Variants in GABRB3 observed in about 807,000 individuals in gnomAD.
The protein encoded by GABRB3 is gamma-aminobutyric acid receptor subunit beta-3.
GABRB3 carries 14 observed loss-of-function variants against 52.1 expected under a neutral mutation model. The observed-to-expected ratio is 0.27, with a 90% CI of 0.18 to 0.42. GABRB3 has a LOEUF of 0.42. GABRB3 is among the 10% of genes least tolerant of loss of function. GABRB3 has a pLI of 1.00. For missense variants in GABRB3, 307 were observed against 609.1 expected (o/e 0.50, Z 5.22); for synonymous variants, 260 against 232.3 (o/e 1.12, Z -1.08).
chr15:26,735,132 G>A (rs2140154558), intron 3 of GABRB3, among the ~76,000 whole-genome samples: 1 of 152,296 alleles, frequency 6.6e-6, no homozygotes, highest in Non-Finnish European at 1.5e-5. Context: ...ATAAGCACAT[G>A]AAAAGATGCT....
intron 3 of GABRB3, among the ~76,000 whole-genome samples, chr15:26,677,835 AG>A (rs1255529814): frequency 2.0e-5 from 3 of 152,334 alleles, no homozygotes; most frequent in African/African-American, 7.2e-5. Flanking sequence ...TTTGTAAATC[AG>A]GGAACTAAAA....
At chr15:26,669,812 C>T (rs1212385519) in intron 3 of GABRB3, among the ~76,000 whole-genome samples, 1 of 152,206 alleles carries the variant, frequency 6.6e-6, no homozygotes, top group Non-Finnish European at 1.5e-5. Context: ...CCTGTAAGAG[C>T]TCTGAGTTGT....
At chr15:26,757,964 T>A (rs770624104) in intron 3 of GABRB3, among the ~76,000 whole-genome samples, 1 of 152,218 alleles carries the variant, frequency 6.6e-6, no homozygotes, top group African/African-American at 2.4e-5. Flanking sequence ...CCCTCTTCTC[T>A]ACCATCTCAA....
chr15:26,745,600 G>A lies in GABRB3; in HGVS notation c.240+26802C>T, dbSNP rs141499332. On this transcript the variant is annotated intron_variant, in intron 3 of 8. Transcript: ENST00000311550. ...TTTTTTTCTCACATCACAAGGCTCC[G>A]GGTGTCACCTTCTTTACCCACACCC... is the stretch of plus-strand genomic sequence containing the variant. Among the ~76,000 whole-genome samples, 708 of 152,178 alleles carry A rather than the reference G, an allele frequency of 4.7e-3. 3 individuals are homozygous for A. The highest frequency in any genetic ancestry group is 0.016 in the African/African-American group (657 of 41,536).
At chr15:26,624,590 G>A (rs754782328) in intron 3 of GABRB3, 8 of 985,398 alleles carry the variant, frequency 8.1e-6, no homozygotes, top group Non-Finnish European at 9.6e-6. Context: ...TTTGGGTCTT[G>A]GGTGTCTGCT....
At chr15:26,745,172 C>T (rs1890305481) in intron 3 of GABRB3, among the ~76,000 whole-genome samples, 1 of 152,168 alleles carries the variant, frequency 6.6e-6, no homozygotes, top group Non-Finnish European at 1.5e-5. Context: ...TGAGGGAATT[C>T]GTCCCCATGA....
Position 26,694,696 on chromosome 15 carries a change from G to A in GABRB3, c.241-73162C>T, listed in dbSNP as rs536799680. ...CTCTAAAAAGCAAAAAACACAGTCTGGAGACAGAGTCAGCATCAGAGTCAG... is the reference window on the plus strand; with the variant it reads ...CTCTAAAAAGCAAAAAACACAGTCTAGAGACAGAGTCAGCATCAGAGTCAG... On this transcript the variant is annotated intron_variant, in intron 3 of 8. Coordinates refer to ENST00000311550, the MANE Select transcript of GABRB3 (RefSeq NM_000814.6). Among the ~76,000 whole-genome samples, 4 of 152,280 alleles carry A rather than the reference G, an allele frequency of 2.6e-5. No homozygotes were observed. In the South Asian group the frequency reaches 6.2e-4, roughly 24 times the overall value.
rs1891125487 is a variant in GABRB3, at chr15:26,770,864, T to C, written c.240+1538A>G. ...ATAAAACAAACATTTTGAGTAAAAT[T>C]ATTTTTATAGTATTACATAAAAAGT... On this transcript the variant is annotated intron_variant, in intron 3 of 8. Transcript: ENST00000311550. Among the ~76,000 whole-genome samples, 2 of 152,360 alleles carry C rather than the reference T, an allele frequency of 1.3e-5. 1 individual carries two copies. Among genetic ancestry groups the C allele is most frequent in the East Asian group, 3.9e-4 (2 of 5,186 alleles).
chr15:26,620,047 A>G (rs1892419965), intron 4 of GABRB3, among the ~76,000 whole-genome samples: 1 of 152,134 alleles, frequency 6.6e-6, no homozygotes, highest in Non-Finnish European at 1.5e-5. Context: ...TCCTCATTCT[A>G]CATTCCCAGG....
intron 3 of GABRB3, among the ~76,000 whole-genome samples, chr15:26,766,741 C>T (rs1891007346): frequency 6.6e-6 from 1 of 151,542 alleles, no homozygotes; most frequent in African/African-American, 2.4e-5. Flanking sequence ...AACTTATTTA[C>T]ATGTAGTTAA....
At chr15:26,667,123 G>A (rs536965646) in intron 3 of GABRB3, among the ~76,000 whole-genome samples, 6 of 152,276 alleles carry the variant, frequency 3.9e-5, no homozygotes, top group African/African-American at 9.6e-5. Context: ...CTTCGGTCCC[G>A]AACGCATCCT....
intron 3 of GABRB3, among the ~76,000 whole-genome samples, chr15:26,704,247 C>T (rs568184593): frequency 6.6e-6 from 1 of 152,312 alleles, no homozygotes; most frequent in African/African-American, 2.4e-5. Flanking sequence ...AAGTGCTGTG[C>T]CAGAATGTGG....
intron 6 of GABRB3, among the ~76,000 whole-genome samples, chr15:26,571,688 T>C (rs1890404650): frequency 6.6e-6 from 1 of 152,148 alleles, no homozygotes; most frequent in African/African-American, 2.4e-5. Context: ...AAAAACACAT[T>C]ACTCTCTGGA....
intron 4 of GABRB3, among the ~76,000 whole-genome samples, chr15:26,610,244 C>G (rs1034566806): frequency 6.6e-6 from 1 of 152,092 alleles, no homozygotes; most frequent in East Asian, 1.9e-4. Flanking sequence ...TGCATATAAA[C>G]CCCTAATTTT....
intron 4 of GABRB3, among the ~76,000 whole-genome samples, chr15:26,606,798 A>ATC: frequency 1.6e-5 from 2 of 127,240 alleles, no homozygotes; most frequent in South Asian, 4.9e-4. Flanking sequence ...CTATAGATAG[A>ATC]TATATCTATA....
chr15:26,659,797 C>T (rs769537237), intron 3 of GABRB3, among the ~76,000 whole-genome samples: 2 of 152,162 alleles, frequency 1.3e-5, no homozygotes, highest in Non-Finnish European at 2.9e-5. Flanking sequence ...CACCGGCCTG[C>T]ACTGGGCCAC....
At chr15:26,720,692 T>C (rs1037419774) in intron 3 of GABRB3, among the ~76,000 whole-genome samples, 5 of 152,186 alleles carry the variant, frequency 3.3e-5, no homozygotes, top group African/African-American at 9.7e-5. Context: ...TCTTTATACA[T>C]GTATAGGGCC....
At chr15:26,676,971 A>G (rs1260819343) in intron 3 of GABRB3, among the ~76,000 whole-genome samples, 1 of 152,134 alleles carries the variant, frequency 6.6e-6, no homozygotes, top group Non-Finnish European at 1.5e-5. Flanking sequence ...ATGCCTGCTC[A>G]TTTTAGGCTT....
At chr15:26,745,785 GC>G (rs1890321702) in intron 3 of GABRB3, among the ~76,000 whole-genome samples, 1 of 152,210 alleles carries the variant, frequency 6.6e-6, no homozygotes, top group African/African-American at 2.4e-5. Context: ...GGTGCCTGTA[GC>G]AATAGTTTCT....
Sources: allele counts gnomAD v4.1 joint callset (sites outside exome capture counted in the v4.1 genomes callset), GRCh38; gene constraint gnomAD v4.1.1; transcripts MANE v1.5; gene names NCBI Gene and HGNC (gene_info 2026-07-23, HGNC 2026-07-21).